PSAT1: variants seen among roughly 807,000 people sequenced by gnomAD.
PSAT1 encodes the protein phosphoserine aminotransferase.
Under a neutral mutation model 40.3 loss-of-function variants are expected in PSAT1, and 41 were observed. The observed-to-expected ratio is 1.02, with a 90% CI of 0.79 to 1.32. The LOEUF (loss-of-function observed/expected upper bound fraction) is 1.32. PSAT1 is among the 40% of genes most tolerant of loss of function. The pLI is 0.00. For missense variants in PSAT1, 406 were observed against 455.8 expected (o/e 0.89, Z 0.99); for synonymous variants, 147 against 170.5 (o/e 0.86, Z 1.07).
intron 7 of PSAT1, among the ~76,000 whole-genome samples, chr9:78,321,498 C>T (rs1278816638): frequency 6.6e-6 from 1 of 152,206 alleles, no homozygotes; most frequent in Non-Finnish European, 1.5e-5. Context: ...CAATTTACCA[C>T]CACCTTTGCT....
intron 7 of PSAT1, among the ~76,000 whole-genome samples, chr9:78,321,743 C>T (rs546279985): frequency 1.3e-5 from 2 of 152,286 alleles, no homozygotes; most frequent in East Asian, 1.9e-4. Flanking sequence ...CCACGTGGGC[C>T]GTTTAGCACC....
intron 4 of PSAT1, among the ~76,000 whole-genome samples, chr9:78,305,563 AG>A (rs1828169815): frequency 6.6e-6 from 1 of 152,226 alleles, no homozygotes; most frequent in Non-Finnish European, 1.5e-5. Flanking sequence ...CTCCACAGGC[AG>A]AAAAAGCTGT....
chr9:78,297,812 G>C (rs1412026804), intron 1 of PSAT1, among the ~76,000 whole-genome samples: 2 of 152,208 alleles, frequency 1.3e-5, no homozygotes, highest in East Asian at 3.8e-4. Flanking sequence ...AGGTCCGCGT[G>C]TGCGTGCCCC....
chr9:78,329,163 G>T lies in PSAT1; in HGVS notation c.*77G>T, dbSNP rs1828545249. 1 of 1,021,048 alleles carries T rather than the reference G, an allele frequency of 9.8e-7. No homozygotes were observed. The highest frequency in any genetic ancestry group is 1.7e-5 in the Admixed American group (1 of 57,748). The allele number at this position is 1,021,048 out of a possible 1,614,324, so 63.2% of individuals were successfully genotyped here. On this transcript the variant is annotated 3_prime_UTR_variant, in exon 9 of 9. Transcript: ENST00000376588. ...AGTAACTTGGGGATGGCTACAAAAA[G>T]TTAACACAGTATTTTTCTCAAATGA...
At chr9:78,316,973 G>A (rs538931542) in intron 6 of PSAT1, among the ~76,000 whole-genome samples, 13 of 152,182 alleles carry the variant, frequency 8.5e-5, no homozygotes, top group East Asian at 1.9e-4. Context: ...TGGGCAAGGC[G>A]CTCTGGGAGT....
At chr9:78,307,767 C>T (rs138917669) in intron 5 of PSAT1, among the ~76,000 whole-genome samples, 1 of 152,122 alleles carries the variant, frequency 6.6e-6, no homozygotes, top group African/African-American at 2.4e-5. Flanking sequence ...TTTGGCCAGG[C>T]GCAGTGGCTC....
rs543000875 is a variant in PSAT1, at chr9:78,327,956, A to G, written c.870-95A>G. The G allele has an allele frequency of 5.2e-5, 70 of 1,337,452 alleles. No homozygotes were observed. In the East Asian group the frequency reaches 1.4e-3, roughly 26 times the overall value. The allele number at this position is 1,337,452 out of a possible 1,614,324, so 82.8% of individuals were successfully genotyped here. ...GTTTTTTAAAAAATCTTCTGCTTGCATCTAGGAAGTGTTAAGAAAAAAAAA... is the reference window on the plus strand; with the variant it reads ...GTTTTTTAAAAAATCTTCTGCTTGCGTCTAGGAAGTGTTAAGAAAAAAAAA... On this transcript the variant is annotated intron_variant, in intron 7 of 8. Transcript: ENST00000376588.
chr9:78,325,691 T>C (rs537693067), intron 7 of PSAT1, among the ~76,000 whole-genome samples: 1 of 152,354 alleles, frequency 6.6e-6, no homozygotes, highest in Non-Finnish European at 1.5e-5. Flanking sequence ...GAGCCATCTC[T>C]CTGTAGATTG....
intron 3 of PSAT1, among the ~76,000 whole-genome samples, chr9:78,303,021 C>T (rs1200142109): frequency 6.6e-6 from 1 of 152,044 alleles, no homozygotes; most frequent in Non-Finnish European, 1.5e-5. Flanking sequence ...TGAAAGCATA[C>T]CATTTTTTTT....
intron 6 of PSAT1, among the ~76,000 whole-genome samples, chr9:78,313,651 T>C (rs1461938712): frequency 1.3e-5 from 2 of 152,212 alleles, no homozygotes; most frequent in East Asian, 3.9e-4. Flanking sequence ...CTTTTAAATT[T>C]TATTTTTGTT....
At chr9:78,307,702 C>T (rs938891698) in intron 5 of PSAT1, among the ~76,000 whole-genome samples, 1 of 152,184 alleles carries the variant, frequency 6.6e-6, no homozygotes, top group Admixed American at 6.5e-5. Flanking sequence ...CAGTCCCTTT[C>T]TCAGCACCTT....
chr9:78,305,988 C>T (rs1228713011), intron 4 of PSAT1, among the ~76,000 whole-genome samples: 1 of 152,196 alleles, frequency 6.6e-6, no homozygotes, highest in Non-Finnish European at 1.5e-5. Context: ...GCCTCCAGCT[C>T]CTGGGCTCAA....
intron 6 of PSAT1, among the ~76,000 whole-genome samples, chr9:78,312,190 G>C (rs570650122): frequency 6.6e-6 from 1 of 151,976 alleles, no homozygotes; most frequent in Non-Finnish European, 1.5e-5. Context: ...ACACACTGCT[G>C]TTCTCTTTAA....
intron 7 of PSAT1, among the ~76,000 whole-genome samples, chr9:78,321,095 A>AGGCAGGTCATCTCCTG (rs1313732378): frequency 2.0e-5 from 3 of 152,186 alleles, no homozygotes; most frequent in African/African-American, 4.8e-5. Context: ...CTAATGTGGC[A>AGGCAGGTCATCTCCTG]GGCAGGTCAT....
chr9:78,297,420 A>G, intron 1 of PSAT1, 150 bp downstream of exon 1: 2 of 958,726 alleles, frequency 2.1e-6, no homozygotes, highest in Non-Finnish European at 3.2e-6. Context: ...CGGGATCAGC[A>G]GCTCCGGCAA....
chr9:78,307,511 T>G (rs1280467480), intron 5 of PSAT1, among the ~76,000 whole-genome samples: 2 of 152,240 alleles, frequency 1.3e-5, no homozygotes, highest in African/African-American at 4.8e-5. Context: ...AACTATAAAT[T>G]ACTTTCCCCC....
chr9:78,316,093 C>T (rs1219790248), intron 6 of PSAT1, among the ~76,000 whole-genome samples: 1 of 152,194 alleles, frequency 6.6e-6, no homozygotes, highest in Non-Finnish European at 1.5e-5. Flanking sequence ...TTAGCACCTT[C>T]TTAAGGAGAG....
At position 78,317,791 on chromosome 9, in the gene PSAT1, C is replaced by T. The variant is rs772501266; in HGVS notation, c.856C>T (p.Gln286Ter). The T allele has an allele frequency of 4.3e-6, 7 of 1,612,876 alleles. No individual in the cohort carries two copies. The highest frequency in any genetic ancestry group is 2.5e-6 in the Non-Finnish European group (3 of 1,179,860). The change falls in exon 7 of 9, where the codon CAA becomes TAA. Residue 286 changes from glutamine to a stop codon, truncating the protein, a stop_gained. Coordinates refer to ENST00000376588, the MANE Select transcript of PSAT1 (RefSeq NM_058179.4). LOFTEE classifies it high-confidence loss of function. ...AATTTATGAGATTATTGATAATTCT[C>T]AAGGATTCTACGTGTAAGTCAATGG... ...QTIYEIIDNSQGFYVCPVEPQ... is the reference protein window; with the variant it reads ...QTIYEIIDNS
At chr9:78,325,712 A>G (rs1828487654) in intron 7 of PSAT1, among the ~76,000 whole-genome samples, 1 of 152,128 alleles carries the variant, frequency 6.6e-6, no homozygotes, top group African/African-American at 2.4e-5. Context: ...GAAGCAGTTA[A>G]TTTCCCTTAA....
Sources: gnomAD v4.1 joint callset for allele counts (sites outside exome capture counted in the v4.1 genomes callset) on GRCh38, gnomAD v4.1.1 for gene constraint, MANE v1.5 for transcripts, NCBI Gene and HGNC (gene_info 2026-07-23, HGNC 2026-07-21) for gene names.